Variants in SLC39A11 observed in about 807,000 individuals in gnomAD.
The protein encoded by SLC39A11 is zinc transporter ZIP11.
In SLC39A11, 33 loss-of-function variants were observed where a neutral mutation model predicts 36.1. The observed-to-expected ratio is 0.91, with a 90% CI of 0.69 to 1.22. The LOEUF (loss-of-function observed/expected upper bound fraction) is 1.22, where lower values mean the gene tolerates loss of function less well. SLC39A11 is among the 50% of genes most tolerant of loss of function. SLC39A11 has a pLI of 0.00. For synonymous variants in SLC39A11, 166 were observed against 170.3 expected (o/e 0.97, Z 0.20); for missense variants, 432 against 430.3 (o/e 1.00, Z -0.03).
At chr17:73,070,236 G>A (rs996105144) in intron 3 of SLC39A11, among the ~76,000 whole-genome samples, 1 of 152,158 alleles carries the variant, frequency 6.6e-6, no homozygotes, top group Non-Finnish European at 1.5e-5. Flanking sequence ...TCCCATGACC[G>A]ACTGGAAAAT....
chr17:73,023,732 G>A (rs1352065585), intron 4 of SLC39A11, among the ~76,000 whole-genome samples: 2 of 152,090 alleles, frequency 1.3e-5, no homozygotes, highest in South Asian at 2.1e-4. Flanking sequence ...TGCGTGATCC[G>A]CCCACCTTGG....
intron 6 of SLC39A11, among the ~76,000 whole-genome samples, chr17:72,843,222 A>C (rs1299610640): frequency 6.6e-6 from 1 of 152,108 alleles, no homozygotes; most frequent in Non-Finnish European, 1.5e-5. Flanking sequence ...TGCTGGGATT[A>C]CAGGCCGTGA....
In SLC39A11 at chr17:72,648,943, G is replaced by A. The variant is rs905469926; in HGVS notation, c.789C>T (p.Gly263=). 6.2e-7 allele frequency: 1 copy of A among 1,612,966 alleles called. No homozygotes were observed. Among genetic ancestry groups the A allele is most frequent in the Non-Finnish European group, 8.5e-7 (1 of 1,179,502 alleles). Residue 263 remains glycine, a synonymous_variant, in exon 9 of 10, where the codon GGC becomes GGT. Coordinates refer to ENST00000255559, the MANE Select transcript of SLC39A11 (RefSeq NM_139177.4). ...WRAFWYGQLS[G]MVEPLAGVFG... ...AGACCCCGGCCAGGGGCTCCACCAT[G>A]CCGCTCAGCTGCCCATACCTAAGGA...
At chr17:72,727,180 C>T (rs548393400) in intron 7 of SLC39A11, among the ~76,000 whole-genome samples, 1 of 152,322 alleles carries the variant, frequency 6.6e-6, no homozygotes, top group African/African-American at 2.4e-5. Flanking sequence ...TTGAATGATG[C>T]CTGCCACTGA....
At chr17:72,845,750 G>T (rs1351221635) in intron 6 of SLC39A11, among the ~76,000 whole-genome samples, 1 of 152,022 alleles carries the variant, frequency 6.6e-6, no homozygotes, top group East Asian at 1.9e-4. Context: ...ATAAATAAAA[G>T]ACAAGACTGG....
At chr17:72,843,615 C>T (rs940980071) in intron 6 of SLC39A11, among the ~76,000 whole-genome samples, 6 of 152,158 alleles carry the variant, frequency 3.9e-5, no homozygotes, top group African/African-American at 1.4e-4. Flanking sequence ...CTGACCACGA[C>T]CATGCTGGCA....
chr17:72,802,486 A>G (rs1007857266), intron 6 of SLC39A11, among the ~76,000 whole-genome samples: 10 of 151,630 alleles, frequency 6.6e-5, no homozygotes, highest in South Asian at 2.1e-4. Context: ...GCTACTTGGG[A>G]GGCTGAGGCA....
chr17:72,963,653 T>A (rs2086782820), intron 4 of SLC39A11, among the ~76,000 whole-genome samples: 1 of 152,232 alleles, frequency 6.6e-6, no homozygotes, highest in Non-Finnish European at 1.5e-5. Context: ...CCAATTTTTT[T>A]ATGGCACAAA....
At chr17:72,780,592 G>C (rs115631481) in intron 6 of SLC39A11, among the ~76,000 whole-genome samples, 2,009 of 151,588 alleles carry the variant, frequency 0.013, 40 homozygotes, top group African/African-American at 0.045. Flanking sequence ...GAGCAATTCC[G>C]GGACTTGACA....
intron 7 of SLC39A11, among the ~76,000 whole-genome samples, chr17:72,701,596 T>C (rs1349247811): frequency 4.6e-5 from 7 of 151,296 alleles, no homozygotes; most frequent in African/African-American, 1.7e-4. Context: ...GGTGTGGTGG[T>C]GCATGCCTGT....
intron 3 of SLC39A11, among the ~76,000 whole-genome samples, chr17:73,077,434 T>C (rs904212032): frequency 6.6e-6 from 1 of 152,198 alleles, no homozygotes; most frequent in Admixed American, 6.5e-5. Context: ...TCTCCTGCCT[T>C]AGCCTCTCAA....
At position 73,013,609 on chromosome 17, in the gene SLC39A11, C is replaced by A. The variant is rs1007846725; in HGVS notation, c.306+17947G>T. ...GCAAGCTTGTTCAACCCACGGCCCACGGGCAGCAGGTGGCCCAGGACGGCT... is the reference window on the plus strand; with the variant it reads ...GCAAGCTTGTTCAACCCACGGCCCAAGGGCAGCAGGTGGCCCAGGACGGCT... On this transcript the variant is annotated intron_variant, in intron 4 of 9. Coordinates refer to ENST00000255559, the MANE Select transcript of SLC39A11 (RefSeq NM_139177.4). Among the ~76,000 whole-genome samples, 3 of 152,152 alleles carry A rather than the reference C, an allele frequency of 2.0e-5. No individual in the cohort carries two copies. In the East Asian group the frequency reaches 5.8e-4, roughly 29 times the overall value.
At chr17:72,727,367 G>A (rs2073968846) in intron 7 of SLC39A11, among the ~76,000 whole-genome samples, 2 of 152,180 alleles carry the variant, frequency 1.3e-5, no homozygotes, top group Non-Finnish European at 1.5e-5. Flanking sequence ...AAAGAAGCAA[G>A]CTGGGGCCAG....
At chr17:73,029,118 ACACACAC>A (rs746930390) in intron 4 of SLC39A11, among the ~76,000 whole-genome samples, 20 of 145,218 alleles carry the variant, frequency 1.4e-4, no homozygotes, top group African/African-American at 2.7e-4. Context: ...ACGCCGTCAC[ACACACAC>A]AAAAAAAAAT....
intron 4 of SLC39A11, among the ~76,000 whole-genome samples, chr17:72,996,697 CT>C (rs764437078): frequency 6.6e-6 from 1 of 152,192 alleles, no homozygotes; most frequent in Non-Finnish European, 1.5e-5. Flanking sequence ...ACGACCTCAT[CT>C]TAACTAATTA....
intron 5 of SLC39A11, among the ~76,000 whole-genome samples, chr17:72,932,199 C>T (rs1276464338): frequency 2.0e-5 from 3 of 151,902 alleles, no homozygotes; most frequent in South Asian, 2.1e-4. Flanking sequence ...AAAACTCCAA[C>T]GTCTAGCAGC....
intron 5 of SLC39A11, among the ~76,000 whole-genome samples, chr17:72,899,910 C>T (rs886585165): frequency 1.4e-5 from 2 of 144,672 alleles, no homozygotes; most frequent in Middle Eastern, 3.6e-3. Flanking sequence ...TGCAGTGAGC[C>T]GAGATCACAC....
chr17:73,036,352 C>A (rs140558982), intron 3 of SLC39A11, among the ~76,000 whole-genome samples: 3 of 152,302 alleles, frequency 2.0e-5, no homozygotes, highest in Non-Finnish European at 4.4e-5. Context: ...CTATCAACAT[C>A]ACACCACAGT....
At chr17:72,932,292 T>TTTTTTATTATTATTATTATTATTATTA (rs1555638210) in intron 5 of SLC39A11, among the ~76,000 whole-genome samples, 31 of 144,466 alleles carry the variant, frequency 2.1e-4, no homozygotes, top group African/African-American at 8.2e-4. Flanking sequence ...GACCTGTTCT[T>TTTTTTATTATTATTATTATTATTATTA]TTATTATTAT....
Sources: gnomAD v4.1 joint callset for allele counts (sites outside exome capture counted in the v4.1 genomes callset) on GRCh38, gnomAD v4.1.1 for gene constraint, MANE v1.5 for transcripts, NCBI Gene and HGNC (gene_info 2026-07-23, HGNC 2026-07-21) for gene names.